Variants in MOK observed in about 807,000 individuals in gnomAD.
MOK encodes the protein MAPK/MAK/MRK overlapping kinase.
Under a neutral mutation model 54.2 loss-of-function variants are expected in MOK, and 59 were observed. The ratio of observed to expected loss-of-function variants is 1.09; its 90% CI spans 0.88 to 1.35. The LOEUF is 1.35. Ranked by LOEUF, MOK falls within the 40% of genes most tolerant of loss-of-function variation. The pLI, the probability that MOK is intolerant of heterozygous loss-of-function variation, is 0.00. For missense variants in MOK, 517 were observed against 526.2 expected, an observed-to-expected ratio of 0.98 and a Z score of 0.17; for synonymous variants, 210 against 202.7, an observed-to-expected ratio of 1.04 and a Z score of -0.31.
rs80142819 is a variant in MOK, at chr14:102,249,264, T to C, written c.590+1548A>G. ...AAATGTGACTAATTCACAGTAACCGTGATAAATAACCCCACAGTGAGCCTC... is the reference window on the plus strand; with the variant it reads ...AAATGTGACTAATTCACAGTAACCGCGATAAATAACCCCACAGTGAGCCTC... On this transcript the variant is annotated intron_variant, in intron 7 of 11. Transcript: ENST00000361847. This position sits in a 1 kb window ranked among gnomAD's most constrained non-coding sequence, Gnocchi z 5.3. Among the ~76,000 whole-genome samples, 6,423 of 152,252 alleles carry C rather than the reference T, an allele frequency of 0.042. 154 individuals are homozygous for C. Among genetic ancestry groups the C allele is most frequent in the Middle Eastern group, 0.062 (18 of 292 alleles).
intron 1 of MOK, among the ~76,000 whole-genome samples, chr14:102,287,237 A>G (rs540947295): frequency 6.6e-6 from 1 of 152,274 alleles, no homozygotes; most frequent in South Asian, 2.1e-4. Flanking sequence ...GGGAAGCCGA[A>G]GCAGGCAGAT....
rs936740292 is a variant in MOK, at chr14:102,305,114, A to G, written c.-146T>C. 1.0e-6 allele frequency: 1 copy of G among 953,692 alleles called. No homozygotes were observed. Among genetic ancestry groups the G allele is most frequent in the African/African-American group, 1.6e-5 (1 of 61,978 alleles). 59.1% of individuals were successfully genotyped at this position (953,692 alleles called of 1,614,324 possible). On this transcript the variant is annotated 5_prime_UTR_variant, in exon 1 of 12. Coordinates refer to ENST00000361847, the MANE Select transcript of MOK (RefSeq NM_014226.3). ...GTGGTCCCTCGAAGGAGAGCGTTAG[A>G]GATCCCGCCGCCATGTTGTGTCCCT...
In MOK at chr14:102,251,942, A is replaced by G. The variant is rs1236065638; in HGVS notation, c.337T>C (p.Cys113Arg). Residue 113 changes from cysteine (C) to arginine (R), a missense_variant, in exon 5 of 12, where the codon TGT becomes CGT. Coordinates refer to ENST00000361847, the MANE Select transcript of MOK (RefSeq NM_014226.3). Reference sequence around the variant, plus strand: ...CTGTGAATATGATCCAGGGACTTACATAACTGGTACATATAGTGCATAATT... The same window carrying G: ...CTGTGAATATGATCCAGGGACTTACGTAACTGGTACATATAGTGCATAATT... ...KKIMHYMYQL[C>R]KSLDHIHRNG... 15 of 1,607,010 alleles carry G rather than the reference A, an allele frequency of 9.3e-6. No individual in the cohort carries two copies. Among genetic ancestry groups the G allele is most frequent in the Non-Finnish European group, 1.2e-5 (14 of 1,174,420 alleles).
Position 102,249,880 on chromosome 14 carries a change from G to A in MOK, c.590+932C>T, listed in dbSNP as rs2066390688. Among the ~76,000 whole-genome samples, 1 of 152,222 alleles carries A rather than the reference G, an allele frequency of 6.6e-6. No individual in the cohort carries two copies. ...AGGAAATGCGGGTGAGCAGGAAACA[G>A]CTCCAAGTGGGGAGATGAGTGCCTC... On this transcript the variant is annotated intron_variant, in intron 7 of 11. Coordinates refer to ENST00000361847, the MANE Select transcript of MOK (RefSeq NM_014226.3). This position sits in a 1 kb window ranked among gnomAD's most constrained non-coding sequence, Gnocchi z 5.3.
At chr14:102,296,685 C>T (rs1031682659) in intron 1 of MOK, among the ~76,000 whole-genome samples, 19 of 151,878 alleles carry the variant, frequency 1.3e-4, no homozygotes, top group Admixed American at 5.3e-4. Context: ...ATTGGGAGGC[C>T]GAGACAGGAG....
downstream of MOK, among the ~76,000 whole-genome samples, chr14:102,227,404 C>A (rs1371809546): frequency 6.6e-6 from 1 of 151,642 alleles, no homozygotes; most frequent in East Asian, 2.0e-4. Flanking sequence ...ACGGCCTTGA[C>A]GTCCGACTCC....
intron 2 of MOK, among the ~76,000 whole-genome samples, chr14:102,272,909 C>T (rs1389788984): frequency 3.3e-5 from 5 of 152,192 alleles, no homozygotes; most frequent in Non-Finnish European, 5.9e-5. Context: ...CAGTGGCTCA[C>T]GCCTGTAATC....
rs1380019193 is a variant in MOK at position 102,251,764 on chromosome 14, G to C, written c.403C>G (p.Leu135Val). The change falls in exon 6 of 12, where the codon CTA (leucine) becomes GTA (valine). Residue 135 changes from leucine to valine, a missense_variant. Leu to Val is a conservative substitution (Grantham distance 32, BLOSUM62 1). Transcript: ENST00000361847. ...FHRDVKPENI[L>V]IKQDVLKLGD... Reference sequence around the variant, plus strand: ...CATGTAAAAGCTCTTACCTTTATTAGTATATTTTCTGGTTTTACATCTCTG... The same window carrying C: ...CATGTAAAAGCTCTTACCTTTATTACTATATTTTCTGGTTTTACATCTCTG... 6.4e-7 allele frequency: 1 copy of C among 1,567,834 alleles called. No individual in the cohort carries two copies. Among genetic ancestry groups the C allele is most frequent in the Admixed American group, 1.7e-5 (1 of 59,396 alleles).
At chr14:102,228,344 CAG>C (rs1178866639), downstream of MOK, among the ~76,000 whole-genome samples, 12 of 152,236 alleles carry the variant, frequency 7.9e-5, no homozygotes, top group Admixed American at 7.2e-4. Context: ...GAGGAGCACA[CAG>C]GGCTCCGAGG....
chr14:102,226,800 G>A (rs2064268191), downstream of MOK, among the ~76,000 whole-genome samples: 2 of 152,194 alleles, frequency 1.3e-5, no homozygotes, highest in Non-Finnish European at 2.9e-5. The surrounding 1 kb of genome is among the most constrained non-coding windows in gnomAD (Gnocchi z 4.8). Flanking sequence ...GCTGATGTGG[G>A]AACCCTGCTG....
chr14:102,261,903 G>GAACAATCT (rs1178530836), intron 4 of MOK, among the ~76,000 whole-genome samples: 1 of 150,692 alleles, frequency 6.6e-6, no homozygotes, highest in Non-Finnish European at 1.5e-5. Context: ...GAGTGCAGTG[G>GAACAATCT]CATGATCTTG....
At chr14:102,273,576 G>A (rs1054103552) in intron 2 of MOK, among the ~76,000 whole-genome samples, 2 of 152,078 alleles carry the variant, frequency 1.3e-5, no homozygotes, top group Non-Finnish European at 2.9e-5. Context: ...TCAGGAGTTC[G>A]AGACCAGCCT....
At position 102,231,882 on chromosome 14, in the gene MOK, A is replaced by G; in HGVS notation, c.867-61T>C. 1 of 1,399,230 alleles carries G rather than the reference A, an allele frequency of 7.1e-7. No homozygotes were observed. Among genetic ancestry groups the G allele is most frequent in the Non-Finnish European group, 1.0e-6 (1 of 1,001,552 alleles). 86.7% of individuals were successfully genotyped at this position (1,399,230 alleles called of 1,614,324 possible). A position where few individuals can be genotyped will look rare whatever the true frequency, so the allele number is the denominator to read the frequency against. The stretch of plus-strand genomic sequence containing the variant: ...TGAGAGCCCGCAGAGCACACGGCCT[A>G]CTGGCTTCTTTGTCTCCAATTTGTC... On this transcript the variant is annotated intron_variant, in intron 9 of 11. Coordinates refer to ENST00000361847, the MANE Select transcript of MOK (RefSeq NM_014226.3). This position sits in a 1 kb window ranked among gnomAD's most constrained non-coding sequence, Gnocchi z 4.4.
intron 4 of MOK, among the ~76,000 whole-genome samples, chr14:102,261,280 G>T: frequency 1.5e-5 from 2 of 130,638 alleles, no homozygotes; most frequent in East Asian, 2.2e-4. Context: ...TTAGCCAAGT[G>T]TGGTAGCACA....
rs772097630 is a variant in MOK, at chr14:102,229,651, A to G, written c.988T>C (p.Ser330Pro). The change falls in exon 11 of 12, where the codon TCC becomes CCC. Residue 330 changes from serine to proline, a missense_variant. Physicochemically the swap from Ser to Pro is moderately conservative, Grantham distance 74 (BLOSUM62 -1). Coordinates refer to ENST00000361847, the MANE Select transcript of MOK (RefSeq NM_014226.3). Reference sequence around the variant, plus strand: ...GGACGGTCCTCCTCTTGCTTTAGGGACTGTTTCTTGAAACAGAACAGAGGC... The same window carrying G: ...GGACGGTCCTCCTCTTGCTTTAGGGGCTGTTTCTTGAAACAGAACAGAGGC... ...ISKEGRKQKQ[S>P]LKQEEDRPKR... The G allele has an allele frequency of 6.2e-6, 10 of 1,607,420 alleles. No homozygotes were observed. Among genetic ancestry groups the G allele is most frequent in the Admixed American group, 5.1e-5 (3 of 59,146 alleles).
chr14:102,215,315 A>G, the MOK span, among the ~76,000 whole-genome samples: 702 of 152,334 alleles, frequency 4.6e-3, 5 homozygotes, highest in African/African-American at 0.016. Flanking sequence ...ATGAGAATGC[A>G]GACATTCTGA....
At chr14:102,292,169 A>G (rs1277170465) in intron 1 of MOK, among the ~76,000 whole-genome samples, 1 of 151,980 alleles carries the variant, frequency 6.6e-6, no homozygotes, top group Non-Finnish European at 1.5e-5. Flanking sequence ...GAAAATATCA[A>G]TGGTCAAATT....
intron 2 of MOK, among the ~76,000 whole-genome samples, chr14:102,272,003 C>T (rs1030288922): frequency 6.6e-6 from 1 of 152,122 alleles, no homozygotes. Context: ...CTCAGCCTCC[C>T]AAGTGGCTGG....
chr14:102,223,153 TAATTA>T (rs749997990), downstream of MOK: 31 of 272,230 alleles, frequency 1.1e-4, 1 homozygote, highest in Non-Finnish European at 2.1e-4. Flanking sequence ...AAATTCAATG[TAATTA>T]AATTTCATAT....
Sources: gnomAD v4.1 joint callset for allele counts (sites outside exome capture counted in the v4.1 genomes callset) on GRCh38, gnomAD v4.1.1 for gene constraint, Gnocchi (gnomAD v3.1) non-coding constraint, MANE v1.5 for transcripts, NCBI Gene and HGNC (gene_info 2026-07-23, HGNC 2026-07-21) for gene names.